The following ST7 variants were observed in gnomAD, a reference collection of about 807,000 sequenced individuals.
The protein encoded by ST7 is suppressor of tumorigenicity 7 protein.
Under a neutral mutation model 78.7 loss-of-function variants are expected in ST7, and 28 were observed. The ratio of observed to expected loss-of-function variants is 0.36; its 90% confidence interval spans 0.26 to 0.49. The LOEUF is 0.49. Among genes scored for constraint, ST7 ranks in the 20% least tolerant of loss-of-function variants. The pLI is 0.99. For missense variants in ST7, 418 were observed against 696.0 expected, an observed-to-expected ratio of 0.60 and a Z score of 4.49; for synonymous variants, 247 against 249.6, an observed-to-expected ratio of 0.99 and a Z score of 0.10.
chr7:117,149,645 T>C (rs1563122520), intron 9 of ST7, among the ~76,000 whole-genome samples: 1 of 150,040 alleles, frequency 6.7e-6, no homozygotes, highest in Non-Finnish European at 1.5e-5. Flanking sequence ...CCCATTGACA[T>C]TTTATTCTAA....
chr7:117,097,417 C>T (rs1456135561), intron 1 of ST7, among the ~76,000 whole-genome samples: 2 of 151,696 alleles, frequency 1.3e-5, no homozygotes, highest in African/African-American at 4.8e-5. Context: ...CTTCCGCCTC[C>T]CGGGTTCAAA....
chr7:117,006,147 G>C lies in ST7; in HGVS notation c.151+52456G>C, dbSNP rs538523186. On this transcript the variant is annotated intron_variant, in intron 1 of 15. Coordinates refer to ENST00000323984, the MANE Select transcript of ST7 (RefSeq NM_001369598.1). ...TCCACCTGATACCTTTTTCATGGTT[G>C]ATTTATAGTAGAGTCAATGTGTCTT... Among the ~76,000 whole-genome samples, 3 of 152,276 alleles carry C rather than the reference G, an allele frequency of 2.0e-5. No homozygotes were observed. The East Asian group carries it at 5.8e-4, about 29-fold the overall frequency.
intron 1 of ST7, among the ~76,000 whole-genome samples, chr7:117,020,032 T>A (rs1413114072): frequency 6.6e-6 from 1 of 152,192 alleles, no homozygotes; most frequent in Admixed American, 6.5e-5. Context: ...CCTGGTATCA[T>A]GGGATGAAGA....
chr7:117,144,861 A>C (rs764766743), intron 9 of ST7, among the ~76,000 whole-genome samples: 1 of 152,184 alleles, frequency 6.6e-6, no homozygotes, highest in Non-Finnish European at 1.5e-5. Context: ...TTTAAAAATA[A>C]AGATTGAGAC....
intron 1 of ST7, among the ~76,000 whole-genome samples, chr7:117,038,958 T>G (rs1381922800): frequency 6.6e-6 from 1 of 152,200 alleles, no homozygotes; most frequent in Non-Finnish European, 1.5e-5. Flanking sequence ...TTACTTACAA[T>G]CTGCCTTTTT....
chr7:116,999,841 C>T (rs1794842760), intron 1 of ST7, among the ~76,000 whole-genome samples: 1 of 120,188 alleles, frequency 8.3e-6, no homozygotes, highest in Non-Finnish European at 1.6e-5. Flanking sequence ...GACAGAGTCT[C>T]GCTGTGTCAC....
chr7:117,218,432 G>C (rs1232340444), intron 13 of ST7, among the ~76,000 whole-genome samples: 1 of 152,162 alleles, frequency 6.6e-6, no homozygotes. Flanking sequence ...GTCATCTGAT[G>C]CTACAAAAGC....
At chr7:117,157,799 G>A (rs138224958) in intron 9 of ST7, among the ~76,000 whole-genome samples, 15 of 152,240 alleles carry the variant, frequency 9.9e-5, no homozygotes, top group African/African-American at 2.9e-4. Context: ...AATGCTTATC[G>A]CCCTCTGTCT....
At chr7:116,965,257 G>A (rs113654499) in intron 1 of ST7, among the ~76,000 whole-genome samples, 4 of 151,380 alleles carry the variant, frequency 2.6e-5, no homozygotes, top group East Asian at 2.0e-4. Context: ...GGAGAATGGC[G>A]TGAACCCGGG....
intron 9 of ST7, among the ~76,000 whole-genome samples, chr7:117,144,738 T>A (rs1805614115): frequency 6.6e-6 from 1 of 152,086 alleles, no homozygotes; most frequent in Non-Finnish European, 1.5e-5. Flanking sequence ...GGAAAAACCT[T>A]GATTATAGAG....
rs1809663473 is a variant in ST7, at chr7:117,190,394, C to G, written c.1152-440C>G. On this transcript the variant is annotated intron_variant, in intron 11 of 15. Coordinates refer to ENST00000323984, the MANE Select transcript of ST7 (RefSeq NM_001369598.1). This position sits in a 1 kb window ranked among gnomAD's most constrained non-coding sequence, Gnocchi z 5.2. ...GCAGGCTCGCCTGCTGCTGAAGCTG[C>G]AACGATTTAACCTCCATCGCAGCAC... 6.0e-6 allele frequency: 1 copy of G among 166,632 alleles called. No individual in the cohort carries two copies. The highest frequency in any genetic ancestry group is 1.4e-5 in the Non-Finnish European group (1 of 70,910). The allele number at this position is 166,632 out of a possible 1,614,324, so 10.3% of individuals were successfully genotyped here. A position where few individuals can be genotyped will look rare whatever the true frequency, so the allele number is the denominator to read the frequency against.
intron 10 of ST7, among the ~76,000 whole-genome samples, chr7:117,174,597 C>T (rs1411477303): frequency 6.6e-6 from 1 of 152,122 alleles, no homozygotes; most frequent in Non-Finnish European, 1.5e-5. Context: ...TCACTCCAGA[C>T]CCATGCTTTT....
chr7:117,224,692 G>T (rs144626484), intron 15 of ST7, among the ~76,000 whole-genome samples: 1 of 152,248 alleles, frequency 6.6e-6, no homozygotes, highest in African/African-American at 2.4e-5. Flanking sequence ...ATATTCACCT[G>T]GCCGCACCAC....
chr7:116,982,575 A>G (rs1333258773), intron 1 of ST7, among the ~76,000 whole-genome samples: 1 of 152,044 alleles, frequency 6.6e-6, no homozygotes, highest in Non-Finnish European at 1.5e-5. Flanking sequence ...TTAATACTCA[A>G]ATTGTCCTAG....
intron 1 of ST7, chr7:116,956,330 C>G (rs1562975076): frequency 2.7e-6 from 1 of 372,772 alleles, no homozygotes; most frequent in Non-Finnish European, 5.5e-6. Context: ...AGCCAGCACC[C>G]CTGAGAGGGG....
At chr7:117,108,172 T>A (rs1802130414) in intron 2 of ST7, among the ~76,000 whole-genome samples, 1 of 152,200 alleles carries the variant, frequency 6.6e-6, no homozygotes, top group Non-Finnish European at 1.5e-5. Context: ...CCTAAGCCAA[T>A]GTCTAGAAGG....
intron 12 of ST7, among the ~76,000 whole-genome samples, chr7:117,201,643 C>T (rs1395077928): frequency 1.3e-5 from 2 of 151,800 alleles, no homozygotes; most frequent in African/African-American, 2.4e-5. Flanking sequence ...ACTGCAGCCT[C>T]GACCTCCCAA....
chr7:117,054,148 T>TTTTG (rs1296654625), intron 1 of ST7, among the ~76,000 whole-genome samples: 1 of 152,112 alleles, frequency 6.6e-6, no homozygotes, highest in East Asian at 1.9e-4. Context: ...GTCTAGACAG[T>TTTTG]TTTGACCTTA....
intron 1 of ST7, among the ~76,000 whole-genome samples, chr7:117,054,464 G>T (rs1797961004): frequency 6.6e-6 from 1 of 152,158 alleles, no homozygotes; most frequent in Non-Finnish European, 1.5e-5. Context: ...AGGTGGAGGT[G>T]GGTAGAGTTG....
Sources: allele counts gnomAD v4.1 joint callset (sites outside exome capture counted in the v4.1 genomes callset), GRCh38; gene constraint gnomAD v4.1.1; non-coding constraint Gnocchi (gnomAD v3.1); transcripts MANE v1.5; gene names NCBI Gene and HGNC (gene_info 2026-07-23, HGNC 2026-07-21).